AHNAK2: variants seen among roughly 807,000 people sequenced by gnomAD.
AHNAK2 encodes the protein AHNAK nucleoprotein 2, also known as protein AHNAK2.
Under a neutral mutation model 30.7 loss-of-function variants are expected in AHNAK2, and 18 were observed. The observed-to-expected ratio is 0.59, with a 90% CI of 0.41 to 0.87. The LOEUF (loss-of-function observed/expected upper bound fraction) is 0.87. AHNAK2 is among the 40% of genes least tolerant of loss of function. The probability of loss-of-function intolerance (pLI) is 0.00; values close to 1 mark genes in which losing one functional copy is unlikely to be tolerated. For synonymous variants in AHNAK2, 3,590 were observed against 3,073.8 expected (o/e 1.17, Z -5.56); for missense variants, 8,604 against 7,373.0 (o/e 1.17, Z -6.11).
rs565808923 is a variant in AHNAK2, at chr14:104,975,197, C to T, written c.55+2986G>A. Among the ~76,000 whole-genome samples the T allele has an allele frequency of 2.4e-3, 370 of 152,336 alleles. 1 individual carries two copies. The highest frequency in any genetic ancestry group is 8.6e-3 in the African/African-American group (356 of 41,574). On this transcript the variant is annotated intron_variant, in intron 1 of 6. Coordinates refer to ENST00000333244, the MANE Select transcript of AHNAK2 (RefSeq NM_138420.4). ...CTCAGCTTCCTGGGCATGGAGAAGGCCGGGAGGGAGCGGGCTCCTGGGGCA... is the reference window on the plus strand; with the variant it reads ...CTCAGCTTCCTGGGCATGGAGAAGGTCGGGAGGGAGCGGGCTCCTGGGGCA...
intron 3 of AHNAK2, 51 bp from the exon 4 acceptor site, chr14:104,956,740 G>A: frequency 6.3e-7 from 1 of 1,576,904 alleles, no homozygotes. Flanking sequence ...TCAGGGACAG[G>A]GAGGGGCACA....
rs756147219 is a variant in AHNAK2 at position 104,950,762 on chromosome 14, C to A, written c.4689G>T (p.Glu1563Asp). Residue 1563 changes from glutamate (E) to aspartate (D), a missense_variant, in exon 7 of 7, where the codon GAG (glutamate) becomes GAT (aspartate). Transcript: ENST00000333244. ...QAGQVDVKLP[E>D]GPVSEGAGLK... The stretch of plus-strand genomic sequence containing the variant: ...GGCCGGCTCCCTCGGACACAGGGCC[C>A]TCTGGGAGTTTCACGTCCACTTGGC... 11 of 1,587,534 alleles carry A rather than the reference C, an allele frequency of 6.9e-6. 1 individual carries two copies. The highest frequency in any genetic ancestry group is 9.5e-6 in the Non-Finnish European group (11 of 1,162,784).
chr14:104,972,739 C>T (rs1423034970), intron 1 of AHNAK2, among the ~76,000 whole-genome samples: 1 of 152,234 alleles, frequency 6.6e-6, no homozygotes, highest in Non-Finnish European at 1.5e-5. Flanking sequence ...AGGCCCTCTC[C>T]AGACTCTAAG....
intron 1 of AHNAK2, among the ~76,000 whole-genome samples, chr14:104,969,079 CT>C (rs1489627188): frequency 6.6e-6 from 1 of 152,250 alleles, no homozygotes; most frequent in African/African-American, 2.4e-5. Context: ...TCCCCCGCCC[CT>C]CCCCGATGCT....
In AHNAK2 at chr14:104,943,502, TG is replaced by T; in HGVS notation, c.11948del (p.Pro3983GlnfsTer11). The T allele has an allele frequency of 6.2e-7, 1 of 1,613,310 alleles. No homozygotes were observed. Among genetic ancestry groups the T allele is most frequent in the Non-Finnish European group, 8.5e-7 (1 of 1,179,624 alleles). On this transcript the variant is annotated frameshift_variant, in exon 7 of 7. Coordinates refer to ENST00000333244, the MANE Select transcript of AHNAK2 (RefSeq NM_138420.4). LOFTEE classifies it low-confidence loss of function (END_TRUNC). Reference protein sequence around the residue: ...FKMPSFGVSAPGKSMEASVDV... With the variant: ...FKMPSFGVSAXGKSMEASVDV... ...CCACTGATGCCTCCATGGACTTGCC[TG>T]GGGCAGACACCCCGAACGACGGCAT...
chr14:104,944,512 A>G lies in AHNAK2; in HGVS notation c.10939T>C (p.Ser3647Pro). Residue 3647 changes from serine (S) to proline (P), a missense_variant, in exon 7 of 7, where the codon TCA becomes CCA. Coordinates refer to ENST00000333244, the MANE Select transcript of AHNAK2 (RefSeq NM_138420.4). ...KFKMPKFKMP[S>P]FRVSAPGKSM... ...TTCCCTGGGGCCGATACCCTGAATG[A>G]CGGCATCTTGAATTTGGGCATTTTG... 2 of 1,612,330 alleles carry G rather than the reference A, an allele frequency of 1.2e-6. No homozygotes were observed. The highest frequency in any genetic ancestry group is 1.7e-6 in the Non-Finnish European group (2 of 1,179,334).
intron 5 of AHNAK2, 116 bp downstream of exon 5, chr14:104,955,367 C>T (rs1226366210): frequency 1.3e-5 from 18 of 1,424,170 alleles, no homozygotes; most frequent in Admixed American, 2.3e-5. Context: ...TGAGCAGAGG[C>T]GTGAGGAGGT....
intron 1 of AHNAK2, among the ~76,000 whole-genome samples, chr14:104,972,070 G>A (rs527996999): frequency 6.6e-6 from 1 of 152,378 alleles, no homozygotes; most frequent in African/African-American, 2.4e-5. Context: ...AAGTAGGCCA[G>A]AGGACTTCAA....
At position 104,940,283 on chromosome 14, in the gene AHNAK2, AC is replaced by A; in HGVS notation, c.15167del (p.Gly5056ValfsTer30). ...DPSLSSATAG[G>X]SFQDTEKASS... ...TGGCCTTTTCTGTGTCTTGAAAGCT[AC>A]CCCCTGCTGTGGCACTAGAAAGGGA... On this transcript the variant is annotated frameshift_variant, in exon 7 of 7. Coordinates refer to ENST00000333244, the MANE Select transcript of AHNAK2 (RefSeq NM_138420.4). LOFTEE classifies it low-confidence loss of function (END_TRUNC). This position sits in a 1 kb window ranked among gnomAD's most constrained non-coding sequence, Gnocchi z 4.4. The A allele has an allele frequency of 1.2e-6, 2 of 1,611,040 alleles. No homozygotes were observed. Among genetic ancestry groups the A allele is most frequent in the Non-Finnish European group, 1.7e-6 (2 of 1,179,068 alleles).
chr14:104,942,596 G>A lies in AHNAK2; in HGVS notation c.12855C>T (p.Ser4285=), dbSNP rs1898044735. 1.9e-6 allele frequency: 3 copies of A among 1,612,914 alleles called. No homozygotes were observed. The African/African-American group carries it at 4.0e-5, about 22-fold the overall frequency. ...LDSVRLEGDL[S]LADKDMTAKD... ...TGGCAGTCATGTCCTTGTCGGCTAG[G>A]GACAGGTCACCCTCCAGCCGCACAC... Residue 4285 remains serine (S), a synonymous_variant, in exon 7 of 7, where the codon TCC becomes TCT. Transcript: ENST00000333244.
At position 104,943,919 on chromosome 14, in the gene AHNAK2, C is replaced by A. The variant is rs759764969; in HGVS notation, c.11532G>T (p.Gly3844=). 1 of 1,613,092 alleles carries A rather than the reference C, an allele frequency of 6.2e-7. No homozygotes were observed. Among genetic ancestry groups the A allele is most frequent in the Non-Finnish European group, 8.5e-7 (1 of 1,179,592 alleles). Residue 3844 remains glycine, a synonymous_variant, in exon 7 of 7, where the codon GGG becomes GGT. Transcript: ENST00000333244. ...TGCTGAGGTCAGTGGTCTTGAGGTC[C>A]CCCTGCATGGAGGGGAGACTCACAT... ...EADVSLPSMQ[G]DLKTTDLSIQ...
At position 104,978,231 on chromosome 14, in the gene AHNAK2, C is replaced by T. The variant is rs868808671; in HGVS notation, c.7G>A (p.Asp3Asn). 2 of 1,212,792 alleles carry T rather than the reference C, an allele frequency of 1.6e-6. No homozygotes were observed. The highest frequency in any genetic ancestry group is 8.0e-5 in the South Asian group (2 of 24,922). 75.1% of individuals were successfully genotyped at this position (1,212,792 alleles called of 1,614,324 possible). A position where few individuals can be genotyped will look rare whatever the true frequency, so the allele number is the denominator to read the frequency against. The change falls in exon 1 of 7, where the codon GAC becomes AAC. Residue 3 changes from aspartate to asparagine, a missense_variant. Transcript: ENST00000333244. ...GTGGGCAGCACCATGTGGAAGCAGT[C>T]GCACATCGCGGCGGCCAGGCGGTGC... MCDCFHMVLPTWP... is the reference protein window; with the variant it reads MCNCFHMVLPTWP...
chr14:104,963,481 G>A (rs556257365), intron 1 of AHNAK2, among the ~76,000 whole-genome samples: 1 of 152,268 alleles, frequency 6.6e-6, no homozygotes, highest in African/African-American at 2.4e-5. Context: ...TTGGAGTAGG[G>A]GAAAAATTCT....
In AHNAK2 at chr14:104,946,659, T is replaced by G; in HGVS notation, c.8792A>C (p.Glu2931Ala). Residue 2931 changes from glutamate (E) to alanine (A), a missense_variant, in exon 7 of 7, where the codon GAG (glutamate) becomes GCG (alanine). Coordinates refer to ENST00000333244, the MANE Select transcript of AHNAK2 (RefSeq NM_138420.4). ...CACCTCCACGTCGGGGGCCGTCACC[T>G]CCGCCTTGGGGCCTTTCAGGTCCAG... Reference protein sequence around the residue: ...PKLDLKGPKAEVTAPDVEVSL... With the variant: ...PKLDLKGPKAAVTAPDVEVSL... 1 of 1,612,730 alleles carries G rather than the reference T, an allele frequency of 6.2e-7. No individual in the cohort carries two copies. The highest frequency in any genetic ancestry group is 8.5e-7 in the Non-Finnish European group (1 of 1,179,676).
At position 104,939,466 on chromosome 14, in the gene AHNAK2, G is replaced by A. The variant is rs1349551631; in HGVS notation, c.15985C>T (p.Pro5329Ser). The A allele has an allele frequency of 1.9e-6, 3 of 1,613,290 alleles. No homozygotes were observed. Among genetic ancestry groups the A allele is most frequent in the East Asian group, 2.2e-5 (1 of 44,894 alleles). The change falls in exon 7 of 7, where the codon CCT becomes TCT. Residue 5329 changes from proline to serine, a missense_variant. Transcript: ENST00000333244. Reference protein sequence around the residue: ...QVLPGEIDETPLSKPGHDLAS... With the variant: ...QVLPGEIDETSLSKPGHDLAS... ...AGGTCATGTCCTGGCTTGGAAAGAG[G>A]AGTCTCATCTATTTCTCCTGGAAGA...
Position 104,938,657 on chromosome 14 carries a change from C to T in AHNAK2, c.16794G>A (p.Gln5598=). The T allele has an allele frequency of 6.2e-7, 1 of 1,612,352 alleles. No individual in the cohort carries two copies. The highest frequency in any genetic ancestry group is 2.2e-5 in the East Asian group (1 of 44,880). The change falls in exon 7 of 7, where the codon CAG becomes CAA. Residue 5598 remains glutamine (Q), a synonymous_variant. Transcript: ENST00000333244. The part of the protein sequence containing the change: ...TLTFEVPSGH[Q]LADSCSDEEP... ...CCTCATCTGAACAGCTGTCTGCAAG[C>T]TGGTGGCCAGAAGGAACTTCAAATG...
Position 104,950,656 on chromosome 14 carries a change from T to C in AHNAK2, c.4795A>G (p.Lys1599Glu). ...CCTTTCAGGTCCAGCTTGGGGCCCT[T>C]AACATCTATCTGGGGCCCCTTGAGG... ...VDLKGPQIDV[K>E]GPKLDLKGPK... is the part of the protein sequence containing the mutation. Residue 1599 changes from lysine (K) to glutamate (E), a missense_variant, in exon 7 of 7, where the codon AAG becomes GAG. Coordinates refer to ENST00000333244, the MANE Select transcript of AHNAK2 (RefSeq NM_138420.4). 1 of 1,586,258 alleles carries C rather than the reference T, an allele frequency of 6.3e-7. No homozygotes were observed. Among genetic ancestry groups the C allele is most frequent in the Middle Eastern group, 1.7e-4 (1 of 5,996 alleles).
At chr14:104,962,300 C>T (rs573074994) in intron 1 of AHNAK2, among the ~76,000 whole-genome samples, 3 of 152,322 alleles carry the variant, frequency 2.0e-5, no homozygotes, top group South Asian at 4.1e-4. Flanking sequence ...TAACTTCAGT[C>T]ATCCGAGTTC....
chr14:104,956,775 C>T (rs764759198), intron 3 of AHNAK2, 86 bp from the exon 4 acceptor site: 3 of 1,334,206 alleles, frequency 2.2e-6, no homozygotes, highest in Non-Finnish European at 3.2e-6. Context: ...AGACCAGGAG[C>T]CCTCCCTTCA....
Sources: gnomAD v4.1 joint callset for allele counts (sites outside exome capture counted in the v4.1 genomes callset) on GRCh38, gnomAD v4.1.1 for gene constraint, Gnocchi (gnomAD v3.1) non-coding constraint, MANE v1.5 for transcripts, NCBI Gene and HGNC (gene_info 2026-07-23, HGNC 2026-07-21) for gene names.